The following COL2A1 variants were observed in gnomAD, a reference collection of about 807,000 sequenced individuals.
COL2A1 encodes the protein collagen type II alpha 1 chain, also known as collagen alpha-1(II) chain.
COL2A1 carries 28 observed loss-of-function variants against 204.5 expected under a neutral mutation model. The observed-to-expected ratio is 0.14, with a 90% CI of 0.10 to 0.19. The LOEUF is 0.19. Among genes scored for constraint, COL2A1 ranks in the 10% least tolerant of loss-of-function variants. The pLI is 1.00. For synonymous variants in COL2A1, 708 were observed against 718.7 expected, an observed-to-expected ratio of 0.99 and a Z score of 0.24; for missense variants, 1,388 against 2,027.5, an observed-to-expected ratio of 0.68 and a Z score of 6.06.
At chr12:48,001,874 C>T (rs975012117) in intron 1 of COL2A1, among the ~76,000 whole-genome samples, 3 of 152,216 alleles carry the variant, frequency 2.0e-5, no homozygotes, top group Non-Finnish European at 1.5e-5. Flanking sequence ...TCCGGTTCCC[C>T]TCATTACCGC....
chr12:47,982,589 G>C lies in COL2A1; in HGVS notation c.2214C>G (p.Gly738=), dbSNP rs202222691. The C allele has an allele frequency of 2.4e-5, 38 of 1,613,090 alleles. No individual in the cohort carries two copies. The highest frequency in any genetic ancestry group is 3.3e-4 in the Middle Eastern group (2 of 5,982). Residue 738 remains glycine, a synonymous_variant, in exon 34 of 54, where the codon GGC becomes GGG. Coordinates refer to ENST00000380518, the MANE Select transcript of COL2A1 (RefSeq NM_001844.5). ...DGPKGASGPA[G]PPGAQGPPGL... The stretch of plus-strand genomic sequence containing the variant: ...CTGGAGGGCCCTGAGCCCCAGGGGG[G>C]CCTGCTGGGCCAGATGCACCCTGGG...
rs777098611 is a variant in COL2A1, at chr12:47,975,332, G to A, written c.3871C>T (p.Pro1291Ser). Residue 1291 changes from proline (P) to serine (S), a missense_variant, in exon 51 of 54, where the codon CCT becomes TCT. Physicochemically the swap from Pro to Ser is moderately conservative, Grantham distance 74. Around this residue, in one of 3 missense-constraint regions of COL2A1, gnomAD observed 303 missense variants for 369.2 expected, o/e 0.82. Coordinates refer to ENST00000380518, the MANE Select transcript of COL2A1 (RefSeq NM_001844.5). The part of the protein sequence containing the change: ...RTCRDLKLCH[P>S]EWKSGDYWID... ...CCAAGCTTACCACTCTTCCACTCAG[G>A]GTGGCAGAGTTTCAGGTCTCTGCAG... is the stretch of plus-strand genomic sequence containing the variant. 2 of 1,614,058 alleles carry A rather than the reference G, an allele frequency of 1.2e-6. No individual in the cohort carries two copies. Among genetic ancestry groups the A allele is most frequent in the Non-Finnish European group, 1.7e-6 (2 of 1,180,028 alleles).
intron 34 of COL2A1, among the ~76,000 whole-genome samples, 169 bp downstream of exon 34, chr12:47,982,333 A>G (rs1385697565): frequency 6.6e-6 from 1 of 152,196 alleles, no homozygotes; most frequent in Non-Finnish European, 1.5e-5. Context: ...AACAGGGGAA[A>G]GGATGTCACT....
In COL2A1 at chr12:47,980,907, A is replaced by T; in HGVS notation, c.2517+8T>A. On this transcript the variant is annotated splice_region_variant and intron_variant, in intron 38 of 53. Transcript: ENST00000380518. This position sits in a 1 kb window ranked among gnomAD's most constrained non-coding sequence, Gnocchi z 4.5. ...GAGGGACCCAGGAGGATGGACAGAGATACTCACAGGAGGCCCAGCAAATCC... is the reference window on the plus strand; with the variant it reads ...GAGGGACCCAGGAGGATGGACAGAGTTACTCACAGGAGGCCCAGCAAATCC... 1 of 1,552,456 alleles carries T rather than the reference A, an allele frequency of 6.4e-7. No individual in the cohort carries two copies. Among genetic ancestry groups the T allele is most frequent in the Non-Finnish European group, 8.7e-7 (1 of 1,147,578 alleles).
chr12:47,999,498 G>C (rs958918855), intron 2 of COL2A1, among the ~76,000 whole-genome samples: 1 of 152,194 alleles, frequency 6.6e-6, no homozygotes, highest in African/African-American at 2.4e-5. Flanking sequence ...CCACACTGAA[G>C]ACCACATACA....
At position 47,993,822 on chromosome 12, in the gene COL2A1, G is replaced by A. The variant is rs768643056; in HGVS notation, c.911C>T (p.Ala304Val). 6.2e-7 allele frequency: 1 copy of A among 1,613,964 alleles called. No homozygotes were observed. Among genetic ancestry groups the A allele is most frequent in the South Asian group, 1.1e-5 (1 of 91,074 alleles). The stretch of plus-strand genomic sequence containing the variant: ...CTGGCCTCTCACCTTCACACCAGGA[G>A]CACCCGCCTCTCCCTTAGCACCGTC... ...GLDGAKGEAG[A>V]PGVKGESGSP... is the part of the protein sequence containing the mutation. The change falls in exon 14 of 54, where the codon GCT (alanine) becomes GTT (valine). Residue 304 changes from alanine to valine, a missense_variant. By Grantham distance (64) the Ala-to-Val change is moderately conservative. This residue lies in a region of COL2A1 where 884 missense variants were observed against 1,415.8 expected (regional missense o/e 0.62). Transcript: ENST00000380518.
At position 47,973,280 on chromosome 12, in the gene COL2A1, G is replaced by C; in HGVS notation, c.*127C>G. Reference sequence around the variant, plus strand: ...GAGGGGAGAAAAGTCCGAACTGTGAGAGGGTGGGATGAATGGACATCAGGT... The same window carrying C: ...GAGGGGAGAAAAGTCCGAACTGTGACAGGGTGGGATGAATGGACATCAGGT... On this transcript the variant is annotated 3_prime_UTR_variant, in exon 54 of 54. Coordinates refer to ENST00000380518, the MANE Select transcript of COL2A1 (RefSeq NM_001844.5). 1 of 1,249,052 alleles carries C rather than the reference G, an allele frequency of 8.0e-7. No homozygotes were observed. Among genetic ancestry groups the C allele is most frequent in the Non-Finnish European group, 1.2e-6 (1 of 847,362 alleles). 77.4% of individuals were successfully genotyped at this position (1,249,052 alleles called of 1,614,324 possible).
chr12:47,990,973 G>T (rs551469159), intron 16 of COL2A1, among the ~76,000 whole-genome samples: 16 of 152,344 alleles, frequency 1.1e-4, no homozygotes, highest in Admixed American at 7.2e-4. Flanking sequence ...GGATGCTTTA[G>T]GGGGAGCTCG....
chr12:47,990,218 C>A (rs1939641666), intron 16 of COL2A1, among the ~76,000 whole-genome samples: 1 of 152,132 alleles, frequency 6.6e-6, no homozygotes, highest in Non-Finnish European at 1.5e-5. Flanking sequence ...CTATGTTGGC[C>A]AGGCTGGTCT....
Position 47,980,605 on chromosome 12 carries a change from G to T in COL2A1, c.2574C>A (p.Gly858=). ...KGEQGEAGQK[G]DAGAPGPQGP... ...CCTGAGGACCAGGGGCACCAGCATC[G>T]CCTTTCTGGCCGGCCTCTCCTTGCT... Residue 858 remains glycine, a synonymous_variant, in exon 39 of 54, where the codon GGC becomes GGA. Coordinates refer to ENST00000380518, the MANE Select transcript of COL2A1 (RefSeq NM_001844.5). The surrounding 1 kb of genome is among the most constrained non-coding windows in gnomAD (Gnocchi z 4.5). 1 of 1,612,844 alleles carries T rather than the reference G, an allele frequency of 6.2e-7. No homozygotes were observed.
rs751730071 is a variant in COL2A1 at position 47,998,208 on chromosome 12, C to T, written c.310-7G>A. On this transcript the variant is annotated splice_region_variant and splice_polypyrimidine_tract_variant and intron_variant, in intron 3 of 53. Transcript: ENST00000380518. Reference sequence around the variant, plus strand: ...CAGGTTCTCCTTTCTGTCCCTGAAACATGAAACATTCACAGGATTAAGCCG... The same window carrying T: ...CAGGTTCTCCTTTCTGTCCCTGAAATATGAAACATTCACAGGATTAAGCCG... The T allele has an allele frequency of 8.1e-6, 13 of 1,614,036 alleles. No homozygotes were observed. The highest frequency in any genetic ancestry group is 1.1e-5 in the South Asian group (1 of 91,084).
chr12:47,992,678 G>C (rs754607765), intron 16 of COL2A1, among the ~76,000 whole-genome samples, 200 bp downstream of exon 16: 1 of 152,080 alleles, frequency 6.6e-6, no homozygotes, highest in Non-Finnish European at 1.5e-5. Flanking sequence ...TTCACCCATC[G>C]ACCCTCCCAT....
chr12:47,982,648 A>T, intron 33 of COL2A1, 39 bp from the exon 34 acceptor site: 2 of 1,465,006 alleles, frequency 1.4e-6, no homozygotes, highest in Non-Finnish European at 1.9e-6. Context: ...AGTGGACAGC[A>T]CCTCTCCCTG....
intron 26 of COL2A1, 124 bp downstream of exon 26, chr12:47,985,410 C>T: frequency 1.9e-6 from 2 of 1,040,012 alleles, no homozygotes; most frequent in Non-Finnish European, 3.0e-6. Flanking sequence ...CATCTACCCC[C>T]TGTCACAATT....
At chr12:48,005,916 T>C (rs192216428), upstream of COL2A1, 14 of 152,360 alleles carry the variant, frequency 9.2e-5, 1 homozygote, top group Admixed American at 9.1e-4. Context: ...GCTTTGACAC[T>C]TGTCCTGGTA....
Position 48,000,512 on chromosome 12 carries a change from T to C in COL2A1, c.86-387A>G, listed in dbSNP as rs1940183935. On this transcript the variant is annotated intron_variant, in intron 1 of 53. Coordinates refer to ENST00000380518, the MANE Select transcript of COL2A1 (RefSeq NM_001844.5). Reference sequence around the variant, plus strand: ...GACAAGATATTCTGAATAGGAATTCTGGGACTATAAAAAGAAAGGAGACAG... The same window carrying C: ...GACAAGATATTCTGAATAGGAATTCCGGGACTATAAAAAGAAAGGAGACAG... Among the ~76,000 whole-genome samples, 4 of 152,242 alleles carry C rather than the reference T, an allele frequency of 2.6e-5. No individual in the cohort carries two copies. The South Asian group carries it at 8.3e-4, about 32-fold the overall frequency.
At chr12:47,983,897 C>A in intron 29 of COL2A1, 161 bp from the exon 30 acceptor site, 1 of 930,120 alleles carries the variant, frequency 1.1e-6, no homozygotes, top group Non-Finnish European at 1.7e-6. Flanking sequence ...ATCAGCCACC[C>A]ACACTCCTCT....
intron 40 of COL2A1, 105 bp from the exon 41 acceptor site, chr12:47,979,669 C>A: frequency 1.1e-6 from 1 of 918,060 alleles, no homozygotes; most frequent in South Asian, 1.4e-5. Flanking sequence ...ATGGAAAGGG[C>A]GAGGGACTGC....
At chr12:47,974,609 G>A in intron 52 of COL2A1, 66 bp downstream of exon 52, 3 of 1,563,554 alleles carry the variant, frequency 1.9e-6, no homozygotes, top group South Asian at 1.1e-5. Context: ...AAGCTTCCAG[G>A]GAGAAAGAAA....
Sources: allele counts gnomAD v4.1 joint callset (sites outside exome capture counted in the v4.1 genomes callset), GRCh38; gene constraint gnomAD v4.1.1; regional missense constraint gnomAD v4.1.1; non-coding constraint Gnocchi (gnomAD v3.1); transcripts MANE v1.5; gene names NCBI Gene and HGNC (gene_info 2026-07-23, HGNC 2026-07-21).